The following ZFAND1 variants were observed in gnomAD, a reference collection of about 807,000 sequenced individuals.
ZFAND1 encodes the protein zinc finger AN1-type containing 1.
Under a neutral mutation model 38.5 loss-of-function variants are expected in ZFAND1, and 40 were observed. The observed-to-expected ratio is 1.04, with a 90% CI of 0.81 to 1.35. The LOEUF (loss-of-function observed/expected upper bound fraction) is 1.35, where lower values mean the gene tolerates loss of function less well. Ranked by LOEUF, ZFAND1 falls within the 40% of genes most tolerant of loss-of-function variation. The probability of loss-of-function intolerance (pLI) is 0.00; values close to 1 mark genes in which losing one functional copy is unlikely to be tolerated. For synonymous variants in ZFAND1, 117 were observed against 103.6 expected (o/e 1.13, Z -0.78); for missense variants, 346 against 316.3 (o/e 1.09, Z -0.71).
chr8:81,709,396 T>A (rs1808070576), intron 6 of ZFAND1, among the ~76,000 whole-genome samples: 1 of 152,202 alleles, frequency 6.6e-6, no homozygotes, highest in Non-Finnish European at 1.5e-5. Context: ...GATTCTGTTT[T>A]ATTCACTACT....
At chr8:81,713,842 G>T in intron 6 of ZFAND1, 76 bp downstream of exon 6, 2 of 1,431,096 alleles carry the variant, frequency 1.4e-6, no homozygotes, top group South Asian at 2.4e-5. Flanking sequence ...GTTGTTAATT[G>T]ATGGGAAGGA....
chr8:81,710,165 A>C, intron 6 of ZFAND1, among the ~76,000 whole-genome samples: 1 of 152,186 alleles, frequency 6.6e-6, no homozygotes, highest in Non-Finnish European at 1.5e-5. Flanking sequence ...AACTGTGACA[A>C]TTAAAAATGT....
rs1217882814 is a variant in ZFAND1, at chr8:81,714,056, T to C, written c.359-17A>G. 4.4e-6 allele frequency: 7 copies of C among 1,574,144 alleles called. No homozygotes were observed. The African/African-American group carries it at 5.5e-5, about 12-fold the overall frequency. On this transcript the variant is annotated splice_polypyrimidine_tract_variant and intron_variant, in intron 5 of 7. Coordinates refer to ENST00000220669, the MANE Select transcript of ZFAND1 (RefSeq NM_024699.3). ...TCTTGGAATCTAAGAAGTGTAAGCATGTAATCACATAAAACTTTCACATTA... is the reference window on the plus strand; with the variant it reads ...TCTTGGAATCTAAGAAGTGTAAGCACGTAATCACATAAAACTTTCACATTA...
chr8:81,718,276 T>C (rs1808372584), intron 1 of ZFAND1, 52 bp from the exon 2 acceptor site: 19 of 1,432,608 alleles, frequency 1.3e-5, no homozygotes, highest in Non-Finnish European at 1.7e-5. Context: ...TTTGATTTAG[T>C]TTTCTTAAGC....
rs565005545 is a variant in ZFAND1, at chr8:81,718,062, G to A, written c.98+120C>T. ...AGTAATCAGAGTCTATAACTATACTGAATATCAATAATCAATGGCTAAAGT... is the reference window on the plus strand; with the variant it reads ...AGTAATCAGAGTCTATAACTATACTAAATATCAATAATCAATGGCTAAAGT... On this transcript the variant is annotated intron_variant, in intron 2 of 7. Transcript: ENST00000220669. 1.1e-5 allele frequency: 9 copies of A among 784,556 alleles called. No individual in the cohort carries two copies. The South Asian group carries it at 1.3e-4, about 11-fold the overall frequency. 48.6% of individuals were successfully genotyped at this position (784,556 alleles called of 1,614,324 possible). A position where few individuals can be genotyped will look rare whatever the true frequency, so the allele number is the denominator to read the frequency against.
rs1808262283 is a variant in ZFAND1 at position 81,715,082 on chromosome 8, A to G, written c.171T>C (p.Asp57=). Residue 57 remains aspartate, a synonymous_variant, in exon 4 of 8, where the codon GAT becomes GAC. Coordinates refer to ENST00000220669, the MANE Select transcript of ZFAND1 (RefSeq NM_024699.3). The part of the protein sequence containing the change: ...VTVINERLKT[D]QHTSYPCSFK... ...AAGAGCATGGGTAAGATGTATGTTG[A>G]TCTGTCTTCAGTCTCTCATTGATTA... 6 of 1,613,922 alleles carry G rather than the reference A, an allele frequency of 3.7e-6. No homozygotes were observed. Among genetic ancestry groups the G allele is most frequent in the Non-Finnish European group, 5.1e-6 (6 of 1,179,966 alleles).
chr8:81,721,039 A>C (rs1190930602), intron 1 of ZFAND1, 188 bp downstream of exon 1: 5 of 589,284 alleles, frequency 8.5e-6, no homozygotes, highest in East Asian at 2.9e-5. Context: ...GTCATTTCAA[A>C]AGCTCACGGC....
intron 6 of ZFAND1, among the ~76,000 whole-genome samples, chr8:81,706,395 G>C (rs779125730): frequency 2.0e-5 from 1 of 49,414 alleles, no homozygotes; most frequent in Non-Finnish European, 4.7e-5. Context: ...AAAAAAAAAA[G>C]AAGTGTTGGT....
chr8:81,707,024 A>G (rs943908314), intron 6 of ZFAND1, among the ~76,000 whole-genome samples: 1 of 152,238 alleles, frequency 6.6e-6, no homozygotes, highest in Non-Finnish European at 1.5e-5. Context: ...AATGTCATAA[A>G]AATGTCATTT....
In ZFAND1 at chr8:81,713,907, C is replaced by G; in HGVS notation, c.480+11G>C. ...GAAATTTTTGTGTTTTAAAAAATCT[C>G]TAAGACCAACCTGTGGTAATGACTT... On this transcript the variant is annotated intron_variant, in intron 6 of 7. Coordinates refer to ENST00000220669, the MANE Select transcript of ZFAND1 (RefSeq NM_024699.3). The G allele has an allele frequency of 6.2e-7, 1 of 1,612,544 alleles. No individual in the cohort carries two copies. The highest frequency in any genetic ancestry group is 8.5e-7 in the Non-Finnish European group (1 of 1,179,580).
At chr8:81,714,088 G>T (rs1165350585) in intron 5 of ZFAND1, 49 bp from the exon 6 acceptor site, 18 of 1,500,382 alleles carry the variant, frequency 1.2e-5, no homozygotes, top group Non-Finnish European at 1.5e-5. Flanking sequence ...ATTACAAATA[G>T]AATTTTATTA....
chr8:81,706,458 T>C (rs918091635), intron 6 of ZFAND1, among the ~76,000 whole-genome samples: 2 of 147,490 alleles, frequency 1.4e-5, no homozygotes, highest in Admixed American at 1.4e-4. Context: ...AAAAAGATGA[T>C]GGGATAGGAG....
Sources: gnomAD v4.1 joint callset for allele counts (sites outside exome capture counted in the v4.1 genomes callset) on GRCh38, gnomAD v4.1.1 for gene constraint, MANE v1.5 for transcripts, NCBI Gene and HGNC (gene_info 2026-07-23, HGNC 2026-07-21) for gene names.